The following DPP10 variants were observed in gnomAD, a reference collection of about 807,000 sequenced individuals.
The protein encoded by DPP10 is inactive dipeptidyl peptidase 10.
Under a neutral mutation model 120.9 loss-of-function variants are expected in DPP10, and 33 were observed. The ratio of observed to expected loss-of-function variants is 0.27; its 90% CI spans 0.21 to 0.37. DPP10 has a LOEUF of 0.37. DPP10 is among the 10% of genes least tolerant of loss of function. The probability of loss-of-function intolerance (pLI) is 1.00; values close to 1 mark genes in which losing one functional copy is unlikely to be tolerated. For synonymous variants in DPP10, 337 were observed against 326.1 expected, an observed-to-expected ratio of 1.03 and a Z score of -0.36; for missense variants, 816 against 942.8, an observed-to-expected ratio of 0.87 and a Z score of 1.76.
At chr2:114,497,591 G>C (rs1682790462) in intron 1 of DPP10, among the ~76,000 whole-genome samples, 1 of 151,946 alleles carries the variant, frequency 6.6e-6, no homozygotes, top group Non-Finnish European at 1.5e-5. Flanking sequence ...AAGTTATTCA[G>C]AGATAGCATC....
chr2:115,502,744 A>T (rs549741512), intron 4 of DPP10, among the ~76,000 whole-genome samples: 4 of 152,076 alleles, frequency 2.6e-5, no homozygotes, highest in African/African-American at 7.2e-5. Flanking sequence ...CCAGGCTGGG[A>T]TGCAGTGGTG....
chr2:115,409,275 A>G (rs900417826), intron 3 of DPP10, among the ~76,000 whole-genome samples: 3 of 152,206 alleles, frequency 2.0e-5, no homozygotes, highest in African/African-American at 7.2e-5. Context: ...ACTCAACAAA[A>G]ACAGAAAATA....
At chr2:114,971,273 T>C (rs1699376868) in intron 1 of DPP10, among the ~76,000 whole-genome samples, 1 of 152,160 alleles carries the variant, frequency 6.6e-6, no homozygotes, top group Non-Finnish European at 1.5e-5. Context: ...ACAAAGTGAT[T>C]TTTTACAGCC....
chr2:114,717,451 A>G (rs1701423028), intron 1 of DPP10, among the ~76,000 whole-genome samples: 1 of 152,214 alleles, frequency 6.6e-6, no homozygotes, highest in South Asian at 2.1e-4. Flanking sequence ...TAAAAATTTT[A>G]CCAACTAGGA....
At chr2:114,654,572 A>G (rs1265007475) in intron 1 of DPP10, among the ~76,000 whole-genome samples, 4 of 152,208 alleles carry the variant, frequency 2.6e-5, no homozygotes, top group Admixed American at 2.0e-4. Context: ...ACTCTGGGCT[A>G]GTTGTGACCT....
intron 1 of DPP10, among the ~76,000 whole-genome samples, chr2:115,206,481 T>C (rs2056139083): frequency 6.6e-6 from 1 of 152,174 alleles, no homozygotes; most frequent in African/African-American, 2.4e-5. Context: ...GAAAAAACAT[T>C]TGATTTTGCT....
At chr2:115,503,389 C>T (rs1050325710) in intron 4 of DPP10, among the ~76,000 whole-genome samples, 2 of 151,990 alleles carry the variant, frequency 1.3e-5, no homozygotes, top group South Asian at 4.1e-4. Flanking sequence ...AACTCTGTAC[C>T]GCTGTGAAAT....
chr2:115,705,110 G>A (rs541801199), intron 7 of DPP10, among the ~76,000 whole-genome samples: 1 of 151,940 alleles, frequency 6.6e-6, no homozygotes, highest in South Asian at 2.1e-4. Flanking sequence ...CTCAAATTAT[G>A]AGCAATGGTT....
At chr2:115,151,049 G>A (rs893102862) in intron 1 of DPP10, among the ~76,000 whole-genome samples, 9 of 152,100 alleles carry the variant, frequency 5.9e-5, no homozygotes, top group South Asian at 2.1e-4. Context: ...AAACTCCCAC[G>A]AGGACAATAT....
chr2:114,444,906 T>C (rs1421863409), intron 1 of DPP10, among the ~76,000 whole-genome samples: 1 of 152,144 alleles, frequency 6.6e-6, no homozygotes, highest in East Asian at 1.9e-4. Flanking sequence ...CTTGAGTATT[T>C]TGCAATTTGC....
At chr2:114,782,023 C>T (rs181322352) in intron 1 of DPP10, among the ~76,000 whole-genome samples, 3 of 152,034 alleles carry the variant, frequency 2.0e-5, no homozygotes, top group Admixed American at 2.0e-4. Flanking sequence ...GCACTTTAGC[C>T]TTAATTGGCC....
chr2:115,028,689 T>C (rs1416102906), intron 1 of DPP10, among the ~76,000 whole-genome samples: 1 of 152,002 alleles, frequency 6.6e-6, no homozygotes, highest in Non-Finnish European at 1.5e-5. Context: ...GAAGCCTGTC[T>C]TTGCTTAACA....
chr2:115,516,826 A>T (rs1324339748), intron 4 of DPP10, among the ~76,000 whole-genome samples: 1 of 152,170 alleles, frequency 6.6e-6, no homozygotes, highest in Non-Finnish European at 1.5e-5. Context: ...ATGAACAAAA[A>T]ATATAAATGG....
At chr2:114,739,088 C>T (rs1677763792) in intron 1 of DPP10, among the ~76,000 whole-genome samples, 1 of 152,134 alleles carries the variant, frequency 6.6e-6, no homozygotes, top group African/African-American at 2.4e-5. Context: ...AGGATTGAAA[C>T]ATCAAAGTAC....
At chr2:114,891,861 T>G (rs994278555) in intron 1 of DPP10, among the ~76,000 whole-genome samples, 2 of 152,212 alleles carry the variant, frequency 1.3e-5, no homozygotes, top group African/African-American at 4.8e-5. Flanking sequence ...ACTGATGTTC[T>G]AATAGCACAC....
At chr2:114,550,014 T>C (rs1383152458) in intron 1 of DPP10, among the ~76,000 whole-genome samples, 3 of 152,192 alleles carry the variant, frequency 2.0e-5, no homozygotes, top group Non-Finnish European at 4.4e-5. Flanking sequence ...ACCGCTGCCT[T>C]CATCCATTTG....
chr2:114,864,786 C>T (rs571476630), intron 1 of DPP10, among the ~76,000 whole-genome samples: 1 of 152,256 alleles, frequency 6.6e-6, no homozygotes, highest in East Asian at 1.9e-4. Flanking sequence ...TTATGAAAGT[C>T]CCCTATATTA....
chr2:115,078,873 A>T (rs533584990), intron 1 of DPP10, among the ~76,000 whole-genome samples: 24 of 152,338 alleles, frequency 1.6e-4, no homozygotes, highest in Admixed American at 5.2e-4. Context: ...TTACTATACA[A>T]TAATATTTTG....
In DPP10 at chr2:115,753,183, T is replaced by C. The variant is rs1345686310; in HGVS notation, c.960T>C (p.Tyr320=). Residue 320 remains tyrosine, a synonymous_variant, in exon 11 of 26, where the codon TAT becomes TAC. Coordinates refer to ENST00000410059, the MANE Select transcript of DPP10 (RefSeq NM_020868.6). ...PPDSFKSREY[Y]ITMVKWVSNT... ...TTTGTTTCCAAACTAGAGAATACTATATCACTATGGTTAAATGGGTAAGCA... is the reference window on the plus strand; with the variant it reads ...TTTGTTTCCAAACTAGAGAATACTACATCACTATGGTTAAATGGGTAAGCA... The C allele has an allele frequency of 6.2e-7, 1 of 1,610,686 alleles. No homozygotes were observed. Among genetic ancestry groups the C allele is most frequent in the Non-Finnish European group, 8.5e-7 (1 of 1,177,788 alleles).
Sources: gnomAD v4.1 joint callset for allele counts (sites outside exome capture counted in the v4.1 genomes callset) on GRCh38, gnomAD v4.1.1 for gene constraint, MANE v1.5 for transcripts, NCBI Gene and HGNC (gene_info 2026-07-23, HGNC 2026-07-21) for gene names.